The following BORCS5 variants were observed in gnomAD, a reference collection of about 807,000 sequenced individuals.
BORCS5 encodes BLOC-1-related complex subunit 5.
A neutral mutation model predicts 22.1 loss-of-function variants in BORCS5; 17 were observed. That is an observed-to-expected ratio of 0.77 (90% CI 0.53 to 1.15). The LOEUF is 1.15. BORCS5 is among the 50% of genes most tolerant of loss of function. BORCS5 has a pLI of 0.00. For synonymous variants in BORCS5, 117 were observed against 99.8 expected, an observed-to-expected ratio of 1.17 and a Z score of -1.03; for missense variants, 247 against 253.2, an observed-to-expected ratio of 0.98 and a Z score of 0.17.
chr12:12,357,114 A>G lies in BORCS5; in HGVS notation c.-338A>G. The G allele has an allele frequency of 1.3e-6, 2 of 1,534,558 alleles. No homozygotes were observed. Among genetic ancestry groups the G allele is most frequent in the Non-Finnish European group, 1.7e-6 (2 of 1,146,144 alleles). On this transcript the variant is annotated 5_prime_UTR_variant, in exon 1 of 4. Coordinates refer to ENST00000314565, the MANE Select transcript of BORCS5 (RefSeq NM_058169.6). ...GGAAGGAGCGAGCTTGCGGAGCGTG[A>G]ACCAGTGAGTGAAAGCGGCGCCGCC...
chr12:12,364,792 C>T (rs1490720192), intron 2 of BORCS5, among the ~76,000 whole-genome samples: 4 of 152,162 alleles, frequency 2.6e-5, no homozygotes. Flanking sequence ...CATGGCAAAA[C>T]CCTGTCTCTA....
chr12:12,394,479 GGA>G (rs1446515097), intron 2 of BORCS5, among the ~76,000 whole-genome samples: 1 of 151,870 alleles, frequency 6.6e-6, no homozygotes. Flanking sequence ...GGCTGTTCAG[GGA>G]GTTGGAATTA....
chr12:12,459,796 T>C (rs955653895), intron 3 of BORCS5, among the ~76,000 whole-genome samples: 1 of 152,224 alleles, frequency 6.6e-6, no homozygotes, highest in Non-Finnish European at 1.5e-5. Context: ...AAAAACTTTT[T>C]TCCCCCATTA....
intron 2 of BORCS5, among the ~76,000 whole-genome samples, chr12:12,396,153 A>G (rs1941336453): frequency 6.6e-6 from 1 of 151,744 alleles, no homozygotes; most frequent in African/African-American, 2.4e-5. Flanking sequence ...ACGCCCAGCT[A>G]ATTTTTGTAT....
intron 3 of BORCS5, among the ~76,000 whole-genome samples, chr12:12,453,526 G>A (rs1209150876): frequency 6.6e-6 from 1 of 152,102 alleles, no homozygotes; most frequent in African/African-American, 2.4e-5. Context: ...CTTCATCTTC[G>A]TAAACTCGAA....
intron 2 of BORCS5, among the ~76,000 whole-genome samples, chr12:12,368,183 C>T (rs1215876786): frequency 6.6e-6 from 1 of 152,022 alleles, no homozygotes; most frequent in South Asian, 2.1e-4. Flanking sequence ...TCCACATCCT[C>T]CTCTTCTTTT....
chr12:12,437,124 C>A (rs909241450), intron 3 of BORCS5, among the ~76,000 whole-genome samples: 4 of 152,164 alleles, frequency 2.6e-5, no homozygotes, highest in African/African-American at 9.7e-5. Context: ...ATTGTAGCTT[C>A]CATAATTCCC....
At chr12:12,391,650 A>T (rs1941189466) in intron 2 of BORCS5, among the ~76,000 whole-genome samples, 1 of 151,454 alleles carries the variant, frequency 6.6e-6, no homozygotes, top group Admixed American at 6.6e-5. Context: ...GGCCTCCGAA[A>T]GTGCTGGGAT....
intron 2 of BORCS5, among the ~76,000 whole-genome samples, chr12:12,374,200 C>T (rs182853417): frequency 0.011 from 1,740 of 151,538 alleles, 17 homozygotes; most frequent in Non-Finnish European, 0.018. Context: ...ACTGTGTTAG[C>T]CAGGATGGTC....
intron 2 of BORCS5, among the ~76,000 whole-genome samples, chr12:12,415,421 G>T (rs1941910314): frequency 6.6e-6 from 1 of 151,400 alleles, no homozygotes; most frequent in Non-Finnish European, 1.5e-5. Flanking sequence ...GTGGCGGCGT[G>T]CGCCTGCAAT....
chr12:12,439,799 C>T (rs959266469), intron 3 of BORCS5, among the ~76,000 whole-genome samples: 1 of 152,120 alleles, frequency 6.6e-6, no homozygotes, highest in Non-Finnish European at 1.5e-5. Context: ...TCATTGGTGG[C>T]GTAATGTGTC....
intron 2 of BORCS5, among the ~76,000 whole-genome samples, chr12:12,388,700 GTC>G (rs150369470): frequency 0.027 from 4,141 of 150,920 alleles, 220 homozygotes; most frequent in Non-Finnish European, 0.042. Context: ...CCATCTGTGA[GTC>G]TGGTCTGAGG....
chr12:12,393,220 G>A (rs1039735420), intron 2 of BORCS5, among the ~76,000 whole-genome samples: 2 of 152,036 alleles, frequency 1.3e-5, no homozygotes, highest in African/African-American at 4.8e-5. Flanking sequence ...GGGTGACAGA[G>A]TGAGACCTTA....
In BORCS5 at chr12:12,415,665, C is replaced by A. The variant is rs566971595; in HGVS notation, c.203-19963C>A. On this transcript the variant is annotated intron_variant, in intron 2 of 3. Coordinates refer to ENST00000314565, the MANE Select transcript of BORCS5 (RefSeq NM_058169.6). Reference sequence around the variant, plus strand: ...TCGTGTGTTGAATCATCCTTGTGTTCCAGGAATAAATCTCACTTGGTCATG... The same window carrying A: ...TCGTGTGTTGAATCATCCTTGTGTTACAGGAATAAATCTCACTTGGTCATG... Among the ~76,000 whole-genome samples, 692 of 150,268 alleles carry A rather than the reference C, an allele frequency of 4.6e-3. 9 individuals carry two copies. Among genetic ancestry groups the A allele is most frequent in the Non-Finnish European group, 4.5e-3 (307 of 67,664 alleles).
chr12:12,458,279 T>C (rs1166655181), intron 3 of BORCS5, among the ~76,000 whole-genome samples: 3 of 152,332 alleles, frequency 2.0e-5, no homozygotes, highest in African/African-American at 7.2e-5. Context: ...GGTGATCTCC[T>C]GCAGGACTTT....
At chr12:12,375,692 A>T (rs1264442658) in intron 2 of BORCS5, among the ~76,000 whole-genome samples, 1 of 152,224 alleles carries the variant, frequency 6.6e-6, no homozygotes, top group Non-Finnish European at 1.5e-5. Context: ...ATTCAGTTTC[A>T]CAGAAAGCCA....
chr12:12,429,246 T>C (rs1942362182), intron 2 of BORCS5, among the ~76,000 whole-genome samples: 2 of 152,346 alleles, frequency 1.3e-5, no homozygotes, highest in Non-Finnish European at 1.5e-5. Context: ...TCCTTCTCCC[T>C]CTTTTCAGAA....
At chr12:12,435,953 T>C in intron 3 of BORCS5, 168 bp downstream of exon 3, 1 of 617,312 alleles carries the variant, frequency 1.6e-6, no homozygotes, top group Non-Finnish European at 2.7e-6. Context: ...TGGGCTAATT[T>C]AGAGTTTGAA....
At chr12:12,422,848 A>T (rs1231578444) in intron 2 of BORCS5, among the ~76,000 whole-genome samples, 1 of 152,156 alleles carries the variant, frequency 6.6e-6, no homozygotes, top group Non-Finnish European at 1.5e-5. Flanking sequence ...TAAAGTTACA[A>T]TAACATTAGC....
Sources: gnomAD v4.1 joint callset for allele counts (sites outside exome capture counted in the v4.1 genomes callset) on GRCh38, gnomAD v4.1.1 for gene constraint, MANE v1.5 for transcripts, NCBI Gene and HGNC (gene_info 2026-07-23, HGNC 2026-07-21) for gene names.